Variants in SPEN observed in about 807,000 individuals in gnomAD.
The protein encoded by SPEN is msx2-interacting protein.
Under a neutral mutation model 269.9 loss-of-function variants are expected in SPEN, and 18 were observed. The ratio of observed to expected loss-of-function variants is 0.07; its 90% CI spans 0.05 to 0.10. The LOEUF (loss-of-function observed/expected upper bound fraction) is 0.10, where lower values mean the gene tolerates loss of function less well. Ranked by LOEUF, SPEN falls within the 10% of genes least tolerant of loss-of-function variation. SPEN has a pLI of 1.00. For synonymous variants in SPEN, 1,726 were observed against 1,765.7 expected, an observed-to-expected ratio of 0.98 and a Z score of 0.56; for missense variants, 3,822 against 4,631.2, an observed-to-expected ratio of 0.83 and a Z score of 5.07.
chr1:15,906,197 G>A (rs2070954200), intron 3 of SPEN, among the ~76,000 whole-genome samples: 1 of 152,000 alleles, frequency 6.6e-6, no homozygotes. Context: ...TGACAATATC[G>A]TATTCAGGAT....
At chr1:15,887,841 G>A (rs955883197) in intron 3 of SPEN, among the ~76,000 whole-genome samples, 1 of 150,592 alleles carries the variant, frequency 6.6e-6, no homozygotes, top group Non-Finnish European at 1.5e-5. Context: ...GGCCAACATG[G>A]TGAAACCAGT....
rs1255424269 is a variant in SPEN at position 15,937,714 on chromosome 1, C to CCA, written c.10509+70_10509+71insAC. ...TGCCATGTCAAATGTCCTAAGATTC[C>CCA]CTAGTTAACAGACCCACAAGCTACA... On this transcript the variant is annotated intron_variant, in intron 12 of 14. Coordinates refer to ENST00000375759, the MANE Select transcript of SPEN (RefSeq NM_015001.3). The surrounding 1 kb of genome is among the most constrained non-coding windows in gnomAD (Gnocchi z 5.7). The CCA allele has an allele frequency of 3.1e-6, 5 of 1,605,930 alleles. No individual in the cohort carries two copies. The highest frequency in any genetic ancestry group is 4.3e-6 in the Non-Finnish European group (5 of 1,174,944).
intron 1 of SPEN, among the ~76,000 whole-genome samples, chr1:15,862,732 G>A (rs2070460016): frequency 6.6e-6 from 1 of 151,590 alleles, no homozygotes; most frequent in South Asian, 2.1e-4. Flanking sequence ...GGTGAAGTGC[G>A]GGTAGCTCAT....
In SPEN at chr1:15,876,656, A is replaced by G. The variant is rs768870679; in HGVS notation, c.859A>G (p.Ser287Gly). 9 of 1,613,110 alleles carry G rather than the reference A, an allele frequency of 5.6e-6. No homozygotes were observed. The East Asian group carries it at 1.6e-4, about 28-fold the overall frequency. ...RSSSSDSISS[S>G]SSTSSDSSDS... ...CTCCAGTAGTGATTCAATCAGCAGC[A>G]GCAGTAGTACCAGCAGTGACAGGTA... is the stretch of plus-strand genomic sequence containing the variant. The change falls in exon 3 of 15, where the codon AGC (serine) becomes GGC (glycine). Residue 287 changes from serine (S) to glycine (G), a missense_variant. By Grantham distance (56) the Ser-to-Gly change is moderately conservative. Transcript: ENST00000375759.
At chr1:15,880,184 T>C (rs1569997846) in intron 3 of SPEN, among the ~76,000 whole-genome samples, 2 of 152,140 alleles carry the variant, frequency 1.3e-5, no homozygotes, top group Admixed American at 1.3e-4. Flanking sequence ...TGGGGAAGAA[T>C]CACTGAGAGA....
Position 15,932,784 on chromosome 1 carries a change from G to A in SPEN, c.6544G>A (p.Ala2182Thr), listed in dbSNP as rs142392560. ...EQAVEHIAKL[A>T]EASASAAYKA... ...GGCCGTGGAACACATCGCAAAGCTC[G>A]CTGAGGCCTCTGCCTCTGCTGCCTA... Residue 2182 changes from alanine (A) to threonine (T), a missense_variant, in exon 11 of 15, where the codon GCT becomes ACT. By Grantham distance (58) the Ala-to-Thr change is moderately conservative. Around this residue, in one of 16 missense-constraint regions of SPEN, gnomAD observed 727 missense variants for 737.9 expected, o/e 0.99. Coordinates refer to ENST00000375759, the MANE Select transcript of SPEN (RefSeq NM_015001.3). The surrounding 1 kb of genome is among the most constrained non-coding windows in gnomAD (Gnocchi z 4.2). The A allele has an allele frequency of 3.3e-5, 54 of 1,614,108 alleles. No homozygotes were observed. Among genetic ancestry groups the A allele is most frequent in the East Asian group, 6.7e-5 (3 of 44,890 alleles).
chr1:15,871,523 A>G (rs1487482325), intron 1 of SPEN, among the ~76,000 whole-genome samples: 3 of 149,274 alleles, frequency 2.0e-5, no homozygotes, highest in Non-Finnish European at 3.0e-5. Context: ...TTGGATTTTT[A>G]GTAGAGGTGA....
intron 3 of SPEN, among the ~76,000 whole-genome samples, chr1:15,903,468 G>A (rs1188626218): frequency 3.3e-5 from 5 of 152,090 alleles, no homozygotes; most frequent in African/African-American, 9.7e-5. Flanking sequence ...ACCTCACTAC[G>A]CCTCAACCTC....
rs1184998289 is a variant in SPEN at position 15,873,026 on chromosome 1, A to G, written c.294A>G (p.Ala98=). Reference sequence around the variant, plus strand: ...GATTGGATGATACAGTTTCCATAGCATCTCGTAGTAGAGAGGTTTCTGGGT... The same window carrying G: ...GATTGGATGATACAGTTTCCATAGCGTCTCGTAGTAGAGAGGTTTCTGGGT... ...ARGLDDTVSI[A]SRSREVSGFR... Residue 98 remains alanine, a synonymous_variant, in exon 2 of 15, where the codon GCA becomes GCG. Transcript: ENST00000375759. 1.9e-6 allele frequency: 3 copies of G among 1,614,042 alleles called. No homozygotes were observed.
intron 10 of SPEN, among the ~76,000 whole-genome samples, chr1:15,924,440 T>TTA (rs2071148284): frequency 1.3e-5 from 2 of 152,186 alleles, no homozygotes; most frequent in African/African-American, 4.8e-5. Context: ...TTACTTTTTG[T>TTA]ATATTACTAC....
chr1:15,910,556 A>C (rs2148728962), intron 4 of SPEN, among the ~76,000 whole-genome samples: 1 of 152,196 alleles, frequency 6.6e-6, no homozygotes, highest in Non-Finnish European at 1.5e-5. Context: ...ATAATATCCA[A>C]GATTCAGAAA....
At chr1:15,938,592 A>G (rs2071304037) in intron 13 of SPEN, 126 bp from the exon 14 acceptor site, 1 of 535,716 alleles carries the variant, frequency 1.9e-6, no homozygotes, top group African/African-American at 2.1e-5. Flanking sequence ...TTTCATTCAA[A>G]TATCAGGGTA....
chr1:15,936,211 A>C lies in SPEN; in HGVS notation c.9971A>C (p.Gln3324Pro). ...CCCCCGGCCCAGCTCACACACACTCAGTTTCCCGCCGCTTCCTCTGTTGGC... is the reference window on the plus strand; with the variant it reads ...CCCCCGGCCCAGCTCACACACACTCCGTTTCCCGCCGCTTCCTCTGTTGGC... ...YHPPAQLTHT[Q>P]FPAASSVGLP... Residue 3324 changes from glutamine (Q) to proline (P), a missense_variant, in exon 11 of 15, where the codon CAG (glutamine) becomes CCG (proline). By Grantham distance (76) the Gln-to-Pro change is moderately conservative (BLOSUM62 -1). Around this residue, in one of 16 missense-constraint regions of SPEN, gnomAD observed 359 missense variants for 377.3 expected, o/e 0.95. Coordinates refer to ENST00000375759, the MANE Select transcript of SPEN (RefSeq NM_015001.3). 2 of 1,567,904 alleles carry C rather than the reference A, an allele frequency of 1.3e-6. No individual in the cohort carries two copies. The highest frequency in any genetic ancestry group is 1.2e-5 in the South Asian group (1 of 85,084).
chr1:15,919,107 C>A, intron 7 of SPEN, 56 bp downstream of exon 7: 3 of 1,523,580 alleles, frequency 2.0e-6, no homozygotes, highest in South Asian at 1.2e-5. Context: ...TTTTTTAAGA[C>A]TTGAAGGGTT....
intron 5 of SPEN, among the ~76,000 whole-genome samples, chr1:15,912,982 C>G (rs560787304): frequency 3.9e-5 from 6 of 152,196 alleles, no homozygotes; most frequent in African/African-American, 1.2e-4. Context: ...TACCTACTTG[C>G]CAGTGAAAAT....
intron 9 of SPEN, among the ~76,000 whole-genome samples, chr1:15,921,349 C>T (rs1367364963): frequency 3.3e-5 from 5 of 152,010 alleles, no homozygotes; most frequent in Non-Finnish European, 5.9e-5. Flanking sequence ...GAAATCACCC[C>T]GTTAATAACT....
intron 3 of SPEN, among the ~76,000 whole-genome samples, chr1:15,876,955 G>A (rs2070637125): frequency 2.6e-5 from 4 of 152,140 alleles, no homozygotes; most frequent in Admixed American, 2.0e-4. Flanking sequence ...AGCTGTGCAA[G>A]GCAAATCTTG....
intron 1 of SPEN, among the ~76,000 whole-genome samples, chr1:15,850,514 G>A (rs2062592): frequency 0.84 from 127,400 of 151,872 alleles, 53,735 homozygotes; most frequent in Middle Eastern, 0.91. Context: ...CCCTGACCCT[G>A]GAATTCCCAG....
chr1:15,935,291 A>G lies in SPEN; in HGVS notation c.9051A>G (p.Ala3017=), dbSNP rs375543183. ...IPADRTVSHL[A]AAKLDAHSPR... Reference sequence around the variant, plus strand: ...CAGATCGAACTGTCTCCCATTTGGCAGCTGCAAAGCTAGATGCTCATTCTC... The same window carrying G: ...CAGATCGAACTGTCTCCCATTTGGCGGCTGCAAAGCTAGATGCTCATTCTC... The change falls in exon 11 of 15, where the codon GCA becomes GCG. Residue 3017 remains alanine (A), a synonymous_variant. Coordinates refer to ENST00000375759, the MANE Select transcript of SPEN (RefSeq NM_015001.3). The surrounding 1 kb of genome is among the most constrained non-coding windows in gnomAD (Gnocchi z 7.7). The G allele has an allele frequency of 6.2e-7, 1 of 1,614,124 alleles. No individual in the cohort carries two copies. The highest frequency in any genetic ancestry group is 8.5e-7 in the Non-Finnish European group (1 of 1,180,018).
Sources: allele counts gnomAD v4.1 joint callset (sites outside exome capture counted in the v4.1 genomes callset), GRCh38; gene constraint gnomAD v4.1.1; regional missense constraint gnomAD v4.1.1; non-coding constraint Gnocchi (gnomAD v3.1); transcripts MANE v1.5; gene names NCBI Gene and HGNC (gene_info 2026-07-23, HGNC 2026-07-21).